CSMD2: variants seen among roughly 807,000 people sequenced by gnomAD.
The protein encoded by CSMD2 is CUB and sushi domain-containing protein 2.
A neutral mutation model predicts 398.5 loss-of-function variants in CSMD2; 130 were observed. The observed-to-expected ratio is 0.33, with a 90% CI of 0.28 to 0.38. CSMD2 has a LOEUF of 0.38. Among genes scored for constraint, CSMD2 ranks in the 10% least tolerant of loss-of-function variants. CSMD2 has a pLI of 1.00. For synonymous variants in CSMD2, 1,828 were observed against 1,908.5 expected (o/e 0.96, Z 1.10); for missense variants, 3,829 against 4,764.9 (o/e 0.80, Z 5.78).
intron 13 of CSMD2, among the ~76,000 whole-genome samples, chr1:33,744,123 C>G (rs1647186977): frequency 6.6e-6 from 1 of 152,238 alleles, no homozygotes; most frequent in South Asian, 2.1e-4. Context: ...TGCTTTGGGT[C>G]CCTTGGGTGG....
intron 27 of CSMD2, 56 bp downstream of exon 27, chr1:33,657,890 T>G (rs1468863531): frequency 2.6e-6 from 4 of 1,521,682 alleles, no homozygotes; most frequent in African/African-American, 1.4e-5. Context: ...TGGAAGGTTC[T>G]GGAGCACACA....
chr1:33,866,068 T>C (rs953060826), intron 5 of CSMD2, among the ~76,000 whole-genome samples: 1 of 152,198 alleles, frequency 6.6e-6, no homozygotes, highest in South Asian at 2.1e-4. Context: ...TATTCCATGA[T>C]AGAGGGACCT....
At chr1:33,680,077 C>A (rs537349132) in intron 25 of CSMD2, among the ~76,000 whole-genome samples, 6 of 151,366 alleles carry the variant, frequency 4.0e-5, no homozygotes, top group African/African-American at 1.5e-4. Flanking sequence ...CCCGCCACCA[C>A]GCCTGGCTAA....
At chr1:34,165,263 C>A, upstream of CSMD2, 1 of 1,185,164 alleles carries the variant, frequency 8.4e-7, no homozygotes, top group Non-Finnish European at 1.0e-6. Flanking sequence ...GGGAGAGGCG[C>A]GCTGCGCTCT....
intron 21 of CSMD2, among the ~76,000 whole-genome samples, chr1:33,712,332 C>T (rs1435518571): frequency 6.6e-6 from 1 of 152,074 alleles, no homozygotes; most frequent in East Asian, 1.9e-4. Context: ...CTCCCCGCCA[C>T]CCACGTCACA....
intron 3 of CSMD2, among the ~76,000 whole-genome samples, chr1:33,997,790 G>A (rs36046416): frequency 0.021 from 3,177 of 152,250 alleles, 63 homozygotes; most frequent in Non-Finnish European, 0.03. Flanking sequence ...GATGAAATGC[G>A]AGGATCTGTC....
intron 3 of CSMD2, among the ~76,000 whole-genome samples, chr1:33,972,441 A>G (rs577383621): frequency 6.6e-6 from 1 of 152,184 alleles, no homozygotes; most frequent in African/African-American, 2.4e-5. Context: ...TTTACATGGC[A>G]AAAGAGACTA....
chr1:33,945,722 G>A (rs1164383869), intron 3 of CSMD2, among the ~76,000 whole-genome samples: 2 of 152,136 alleles, frequency 1.3e-5, no homozygotes, highest in Non-Finnish European at 2.9e-5. Context: ...GTCCCTTGGA[G>A]GAAGAGCATT....
At chr1:33,774,373 CT>C (rs957202546) in intron 12 of CSMD2, among the ~76,000 whole-genome samples, 2 of 152,118 alleles carry the variant, frequency 1.3e-5, no homozygotes, top group African/African-American at 4.8e-5. Flanking sequence ...AGGGGATACA[CT>C]GAGGCATTCC....
chr1:33,624,789 A>C lies in CSMD2; in HGVS notation c.5501-146T>G. 2 of 1,153,460 alleles carry C rather than the reference A, an allele frequency of 1.7e-6. No homozygotes were observed. Among genetic ancestry groups the C allele is most frequent in the Non-Finnish European group, 2.4e-6 (2 of 833,524 alleles). 71.5% of individuals were successfully genotyped at this position (1,153,460 alleles called of 1,614,324 possible). On this transcript the variant is annotated intron_variant, in intron 34 of 70. Coordinates refer to ENST00000373381, the MANE Select transcript of CSMD2 (RefSeq NM_001281956.2). This position sits in a 1 kb window ranked among gnomAD's most constrained non-coding sequence, Gnocchi z 4.7. ...TAATGTCCCCAGTCCTGCCTTCTCC[A>C]CGGCCTCTCCCCATGCAACTCTGTT...
At chr1:34,092,048 A>G (rs1191848364) in intron 1 of CSMD2, among the ~76,000 whole-genome samples, 1 of 152,270 alleles carries the variant, frequency 6.6e-6, no homozygotes, top group African/African-American at 2.4e-5. Flanking sequence ...GCAAAATAAT[A>G]TACAAAAATC....
At chr1:33,691,648 C>T (rs1645244297) in intron 25 of CSMD2, among the ~76,000 whole-genome samples, 1 of 152,156 alleles carries the variant, frequency 6.6e-6, no homozygotes, top group Non-Finnish European at 1.5e-5. Context: ...TTAGCACTTA[C>T]TTCCTGGATC....
intron 2 of CSMD2, among the ~76,000 whole-genome samples, chr1:34,083,586 G>C (rs938603256): frequency 4.6e-5 from 7 of 152,170 alleles, no homozygotes; most frequent in African/African-American, 1.4e-4. Context: ...AGGCTTAATA[G>C]TAACACTTAA....
At chr1:33,842,446 C>G (rs947667308) in intron 6 of CSMD2, among the ~76,000 whole-genome samples, 6 of 152,298 alleles carry the variant, frequency 3.9e-5, no homozygotes, top group South Asian at 2.1e-4. Flanking sequence ...AAGCCCAACT[C>G]TACTGAGACT....
At chr1:34,088,270 G>A (rs1211217924) in intron 2 of CSMD2, among the ~76,000 whole-genome samples, 1 of 152,208 alleles carries the variant, frequency 6.6e-6, no homozygotes, top group African/African-American at 2.4e-5. Flanking sequence ...ACGCTGACCT[G>A]ACCTGGACAA....
intron 3 of CSMD2, among the ~76,000 whole-genome samples, chr1:33,969,075 T>C (rs530341803): frequency 5.9e-5 from 9 of 152,136 alleles, no homozygotes; most frequent in Non-Finnish European, 1.3e-4. Context: ...GAGGTGATCA[T>C]TGAAACGGTG....
intron 2 of CSMD2, among the ~76,000 whole-genome samples, chr1:34,082,173 T>A (rs1409036947): frequency 3.5e-5 from 5 of 143,142 alleles, no homozygotes; most frequent in Admixed American, 1.4e-4. Context: ...CCGCCCCGTC[T>A]GGGAGGTGAG....
chr1:34,066,348 C>G (rs1655108478), intron 2 of CSMD2, among the ~76,000 whole-genome samples: 1 of 152,198 alleles, frequency 6.6e-6, no homozygotes. Flanking sequence ...CTCATTCCCT[C>G]CTGCATCCCC....
Position 33,825,778 on chromosome 1 carries a change from G to T in CSMD2, c.1034-4C>A. The T allele has an allele frequency of 6.2e-7, 1 of 1,613,056 alleles. No individual in the cohort carries two copies. The highest frequency in any genetic ancestry group is 8.5e-7 in the Non-Finnish European group (1 of 1,179,258). On this transcript the variant is annotated splice_region_variant and splice_polypyrimidine_tract_variant and intron_variant, in intron 6 of 70. Transcript: ENST00000373381. ...TTCAACTCAATTTGCTTCTTGACTAGAGAGGAGGTAAGAGGAAAAACAATG... is the reference window on the plus strand; with the variant it reads ...TTCAACTCAATTTGCTTCTTGACTATAGAGGAGGTAAGAGGAAAAACAATG...
Sources: allele counts gnomAD v4.1 joint callset (sites outside exome capture counted in the v4.1 genomes callset), GRCh38; gene constraint gnomAD v4.1.1; non-coding constraint Gnocchi (gnomAD v3.1); transcripts MANE v1.5; gene names NCBI Gene and HGNC (gene_info 2026-07-23, HGNC 2026-07-21).